TSHR: variants seen among roughly 807,000 people sequenced by gnomAD.
TSHR encodes thyroid stimulating hormone receptor.
Under a neutral mutation model 64.1 loss-of-function variants are expected in TSHR, and 51 were observed. The observed-to-expected ratio is 0.80, with a 90% CI of 0.64 to 1.01. The LOEUF is 1.01. Ranked by LOEUF, TSHR falls within the 50% of genes least tolerant of loss-of-function variation. The pLI is 0.00. For missense variants in TSHR, 877 were observed against 942.8 expected (o/e 0.93, Z 0.91); for synonymous variants, 361 against 361.9 (o/e 1.00, Z 0.03).
chr14:81,114,531 G>A (rs1183429584), intron 8 of TSHR, among the ~76,000 whole-genome samples: 2 of 152,244 alleles, frequency 1.3e-5, no homozygotes, highest in African/African-American at 2.4e-5. Flanking sequence ...AGGGTCCTAC[G>A]CCCACGGAGT....
chr14:81,057,490 A>C (rs988197712), intron 1 of TSHR, among the ~76,000 whole-genome samples: 2 of 152,236 alleles, frequency 1.3e-5, no homozygotes, highest in Admixed American at 1.3e-4. Flanking sequence ...GTCACATTAA[A>C]TTGTATTAAT....
At chr14:80,970,377 A>G (rs1380042846) in intron 1 of TSHR, among the ~76,000 whole-genome samples, 1 of 152,252 alleles carries the variant, frequency 6.6e-6, no homozygotes, top group Non-Finnish European at 1.5e-5. Flanking sequence ...CTGTAGTCAC[A>G]GAGTCACTTA....
intron 7 of TSHR, among the ~76,000 whole-genome samples, chr14:81,105,573 T>C (rs1415837403): frequency 1.3e-5 from 2 of 152,228 alleles, no homozygotes; most frequent in Non-Finnish European, 2.9e-5. Flanking sequence ...TCCTGGACTC[T>C]GGCTGGCTTT....
At chr14:80,994,262 G>A (rs1338667384) in intron 1 of TSHR, 1 of 151,732 alleles carries the variant, frequency 6.6e-6, no homozygotes, top group Non-Finnish European at 1.5e-5. Flanking sequence ...TATCAGTAAG[G>A]TCTCTAGTCA....
chr14:81,007,885 C>A (rs897496815), intron 1 of TSHR, among the ~76,000 whole-genome samples: 1 of 152,162 alleles, frequency 6.6e-6, no homozygotes, highest in African/African-American at 2.4e-5. Context: ...ACCGTCTTAG[C>A]GTTCTTTCTG....
chr14:81,072,274 T>C (rs1015906115), intron 3 of TSHR, among the ~76,000 whole-genome samples: 17 of 152,226 alleles, frequency 1.1e-4, no homozygotes, highest in Admixed American at 5.9e-4. Context: ...ATTGGAGCCA[T>C]TCAAAGTAGA....
intron 7 of TSHR, among the ~76,000 whole-genome samples, chr14:81,097,421 G>A (rs141546084): frequency 1.4e-4 from 21 of 152,248 alleles, no homozygotes; most frequent in African/African-American, 4.8e-4. Context: ...CACAAAATCT[G>A]TTGCGTATGG....
chr14:80,962,331 A>G (rs1035466183), intron 1 of TSHR, among the ~76,000 whole-genome samples: 1 of 145,958 alleles, frequency 6.9e-6, no homozygotes, highest in African/African-American at 2.5e-5. Flanking sequence ...GAGTGGCTTA[A>G]AACAACAGAA....
chr14:81,002,781 CTTTTTTTTTTTTTTTT>C lies in TSHR; in HGVS notation c.170+46942_170+46957del, dbSNP rs1174635270. On this transcript the variant is annotated intron_variant, in intron 1 of 9. Coordinates refer to ENST00000298171, the MANE Select transcript of TSHR (RefSeq NM_000369.5). ...TCTCTCATTAAGGTCCCTAATGCCT[CTTTTTTTTTTTTTTTT>C]TTTTTTTTTTATCTTTTTTTTTTTT... 6.8e-5 allele frequency among the ~76,000 whole-genome samples: 3 copies of C among 44,318 alleles called. No individual in the cohort carries two copies. The East Asian group carries it at 5.9e-3, about 88-fold the overall frequency. The allele number at this position is 44,318 out of a possible 152,430, so 29.1% of individuals were successfully genotyped here. A position where few individuals can be genotyped will look rare whatever the true frequency, so the allele number is the denominator to read the frequency against.
rs540248728 is a variant in TSHR, at chr14:81,103,708, T to C, written c.615-4667T>C. On this transcript the variant is annotated intron_variant, in intron 7 of 9. Transcript: ENST00000298171. This position sits in a 1 kb window ranked among gnomAD's most constrained non-coding sequence, Gnocchi z 4.1. Reference sequence around the variant, plus strand: ...CCCTTGCTCAACAGAAGTTGAACTGTACTTGGTCACAAGTTAAGTCACACA... The same window carrying C: ...CCCTTGCTCAACAGAAGTTGAACTGCACTTGGTCACAAGTTAAGTCACACA... 1.8e-4 allele frequency: 182 copies of C among 985,494 alleles called. 1 individual carries two copies. The South Asian group carries it at 6.1e-3, about 33-fold the overall frequency. The allele number at this position is 985,494 out of a possible 1,614,324, so 61.0% of individuals were successfully genotyped here.
intron 1 of TSHR, among the ~76,000 whole-genome samples, chr14:80,999,313 C>A (rs1239441120): frequency 6.6e-6 from 1 of 152,134 alleles, no homozygotes; most frequent in Admixed American, 6.5e-5. Context: ...TGGACCAAAT[C>A]AGAAGTAATC....
intron 3 of TSHR, 134 bp from the exon 4 acceptor site, chr14:81,087,820 C>G (rs924203276): frequency 1.1e-5 from 8 of 748,874 alleles, no homozygotes; most frequent in Admixed American, 2.0e-5. Context: ...GCAGCTACAG[C>G]CCCTGGGGTA....
At chr14:81,104,944 C>A (rs1257489974) in intron 7 of TSHR, 4 of 985,426 alleles carry the variant, frequency 4.1e-6, no homozygotes, top group Non-Finnish European at 4.8e-6. Flanking sequence ...AATACCAGTT[C>A]TTTTCTCATA....
intron 6 of TSHR, among the ~76,000 whole-genome samples, chr14:81,092,958 T>G (rs1014661034): frequency 2.0e-5 from 3 of 152,224 alleles, no homozygotes; most frequent in South Asian, 2.1e-4. Context: ...TGAGCATGTC[T>G]GTGTTCCAAT....
intron 1 of TSHR, among the ~76,000 whole-genome samples, chr14:80,969,406 T>G (rs1470856373): frequency 2.0e-5 from 3 of 152,216 alleles, no homozygotes; most frequent in Admixed American, 1.3e-4. Context: ...GGCATTGAAG[T>G]CAGAGAAGGC....
intron 3 of TSHR, among the ~76,000 whole-genome samples, chr14:81,071,473 T>A (rs1887061248): frequency 6.6e-6 from 1 of 152,214 alleles, no homozygotes; most frequent in Non-Finnish European, 1.5e-5. Flanking sequence ...AAAATTTTTT[T>A]ACCGTCATTG....
chr14:80,984,911 G>A (rs185217831), intron 1 of TSHR, among the ~76,000 whole-genome samples: 1 of 152,056 alleles, frequency 6.6e-6, no homozygotes, highest in Non-Finnish European at 1.5e-5. Flanking sequence ...CTTCCCCAAA[G>A]AGCTGAAATC....
chr14:80,982,393 A>T, intron 1 of TSHR: 1 of 1,246,588 alleles, frequency 8.0e-7, no homozygotes, highest in Non-Finnish European at 1.1e-6. Flanking sequence ...TTCCGGTGCT[A>T]AGAATGATAA....
intron 1 of TSHR, among the ~76,000 whole-genome samples, chr14:81,045,398 ATTTAT>A (rs1375372284): frequency 6.6e-6 from 1 of 152,136 alleles, no homozygotes; most frequent in Non-Finnish European, 1.5e-5. Flanking sequence ...AAGAATTATT[ATTTAT>A]TTTAAGTTCT....
Sources: allele counts gnomAD v4.1 joint callset (sites outside exome capture counted in the v4.1 genomes callset), GRCh38; gene constraint gnomAD v4.1.1; non-coding constraint Gnocchi (gnomAD v3.1); transcripts MANE v1.5; gene names NCBI Gene and HGNC (gene_info 2026-07-23, HGNC 2026-07-21).